ZNF749: variants seen among roughly 807,000 people sequenced by gnomAD.
The protein encoded by ZNF749 is zinc finger protein 749.
A neutral mutation model predicts 7.3 loss-of-function variants in ZNF749; 8 were observed. The observed-to-expected ratio is 1.10, with a 90% CI of 0.64 to 1.98. The LOEUF is 1.98. Ranked by LOEUF, ZNF749 falls within the 30% of genes most tolerant of loss-of-function variation. The probability of loss-of-function intolerance (pLI) is 0.00; values close to 1 mark genes in which losing one functional copy is unlikely to be tolerated. For missense variants in ZNF749, 898 were observed against 932.4 expected, an observed-to-expected ratio of 0.96 and a Z score of 0.48; for synonymous variants, 310 against 322.4, an observed-to-expected ratio of 0.96 and a Z score of 0.41.
the ZNF749 span, among the ~76,000 whole-genome samples, chr19:57,429,258 T>TGCCTCGGCCTCCCAAAA: frequency 6.6e-6 from 1 of 152,148 alleles, no homozygotes; most frequent in Non-Finnish European, 1.5e-5. This position sits in a 1 kb window ranked among gnomAD's most constrained non-coding sequence, Gnocchi z 4.2. Flanking sequence ...ACTCCTGACC[T>TGCCTCGGCCTCCCAAAA]CAGGTGATCT....
chr19:57,435,620 G>C, intron 1 of ZNF749, 27 bp downstream of exon 1: 1 of 1,598,680 alleles, frequency 6.3e-7, no homozygotes, highest in African/African-American at 1.3e-5. Context: ...AGGCCGCCCC[G>C]CCCAACCCCT....
intron 1 of ZNF749, among the ~76,000 whole-genome samples, chr19:57,441,150 G>A (rs1315696987): frequency 6.8e-6 from 1 of 147,168 alleles, no homozygotes; most frequent in East Asian, 2.0e-4. Flanking sequence ...AGGGTAGGGC[G>A]CCCTGGGCTA....
chr19:57,445,244 G>T lies in ZNF749; in HGVS notation c.2096G>T (p.Ser699Ile). Residue 699 changes from serine to isoleucine, a missense_variant, in exon 3 of 3, where the codon AGT becomes ATT. Physicochemically the swap from Ser to Ile is moderately radical, Grantham distance 142. Transcript: ENST00000334181. The stretch of plus-strand genomic sequence containing the variant: ...ACTGGGGAGAAGCCTCATGAGTGCA[G>T]TAAATGTAGGGAATTGTTTAGGACT... ...VCTGEKPHEC[S>I]KCRELFRTKS... 6.2e-7 allele frequency: 1 copy of T among 1,614,022 alleles called. No individual in the cohort carries two copies. Among genetic ancestry groups the T allele is most frequent in the Non-Finnish European group, 8.5e-7 (1 of 1,179,900 alleles).
chr19:57,445,560 T>C lies in ZNF749; in HGVS notation c.*75T>C. 6.6e-7 allele frequency: 1 copy of C among 1,519,624 alleles called. No homozygotes were observed. The highest frequency in any genetic ancestry group is 1.4e-5 in the South Asian group (1 of 73,342). 94.1% of individuals were successfully genotyped at this position (1,519,624 alleles called of 1,614,324 possible). A position where few individuals can be genotyped will look rare whatever the true frequency, so the allele number is the denominator to read the frequency against. The stretch of plus-strand genomic sequence containing the variant: ...AAAGGTTCACATCGGACCAAGAACC[T>C]ATTAATATATGTAAATCTAATGTTG... On this transcript the variant is annotated 3_prime_UTR_variant, in exon 3 of 3. Transcript: ENST00000334181.
At chr19:57,432,651 T>C (rs2088905356), upstream of ZNF749, among the ~76,000 whole-genome samples, 1 of 150,538 alleles carries the variant, frequency 6.6e-6, no homozygotes, top group African/African-American at 2.4e-5. Context: ...GTGTTCAAAC[T>C]TGTTGCTAAC....
chr19:57,439,586 C>G lies in ZNF749; in HGVS notation c.16-2299C>G, dbSNP rs1243688340. 6.6e-6 allele frequency among the ~76,000 whole-genome samples: 1 copy of G among 151,680 alleles called. No individual in the cohort carries two copies. Among genetic ancestry groups the G allele is most frequent in the Non-Finnish European group, 1.5e-5 (1 of 67,890 alleles). On this transcript the variant is annotated intron_variant, in intron 1 of 2. Transcript: ENST00000334181. This position sits in a 1 kb window ranked among gnomAD's most constrained non-coding sequence, Gnocchi z 4.3. ...CCAGCCTGGGCAACATAGGGAGACT[C>G]TGTCCCTACAAATAATAATAAATAG...
chr19:57,437,182 A>C (rs1349529869), intron 1 of ZNF749, among the ~76,000 whole-genome samples: 1 of 152,192 alleles, frequency 6.6e-6, no homozygotes, highest in Admixed American at 6.5e-5. Context: ...GCATAGGTTC[A>C]GGGATGTGAC....
intron 1 of ZNF749, among the ~76,000 whole-genome samples, chr19:57,437,399 AG>A (rs972253166): frequency 5.3e-5 from 8 of 152,176 alleles, no homozygotes; most frequent in African/African-American, 1.9e-4. Context: ...TATAGTACAA[AG>A]CTTTATATAT....
chr19:57,438,842 T>A (rs949141212), intron 1 of ZNF749, among the ~76,000 whole-genome samples: 1 of 152,148 alleles, frequency 6.6e-6, no homozygotes, highest in Non-Finnish European at 1.5e-5. Context: ...CGACAACTGA[T>A]GGGATAAGAT....
intron 1 of ZNF749, 147 bp from the exon 2 acceptor site, chr19:57,441,738 A>G (rs2088991789): frequency 2.2e-6 from 2 of 903,272 alleles, no homozygotes; most frequent in South Asian, 3.0e-5. Context: ...GTGGTTCAGC[A>G]TATGGGATCT....
At chr19:57,441,845 A>G in intron 1 of ZNF749, 40 bp from the exon 2 acceptor site, 2 of 1,612,278 alleles carry the variant, frequency 1.2e-6, no homozygotes, top group Non-Finnish European at 1.7e-6. Context: ...AACACAGAAT[A>G]AGAAGTTGTT....
chr19:57,433,491 C>G (rs1392387455), upstream of ZNF749, among the ~76,000 whole-genome samples: 3 of 152,126 alleles, frequency 2.0e-5, no homozygotes, highest in East Asian at 3.8e-4. Context: ...AAGGAACTAT[C>G]CACGTTAGTG....
In ZNF749 at chr19:57,446,775, G is replaced by C. The variant is rs905207769; in HGVS notation, c.*1290G>C. Among the ~76,000 whole-genome samples the C allele has an allele frequency of 6.6e-6, 1 of 152,150 alleles. No homozygotes were observed. Among genetic ancestry groups the C allele is most frequent in the Non-Finnish European group, 1.5e-5 (1 of 68,020 alleles). On this transcript the variant is annotated 3_prime_UTR_variant, in exon 3 of 3. Transcript: ENST00000334181. ...CCTAGGCTATATGATATGGTCCATTGCGCCTCAGATATAAACCTTAACAGC... is the reference window on the plus strand; with the variant it reads ...CCTAGGCTATATGATATGGTCCATTCCGCCTCAGATATAAACCTTAACAGC...
At chr19:57,435,011 G>T (rs1184197648), upstream of ZNF749, among the ~76,000 whole-genome samples, 1 of 152,160 alleles carries the variant, frequency 6.6e-6, no homozygotes, top group African/African-American at 2.4e-5. Flanking sequence ...GTCCTAGACT[G>T]CTCTCCGGGA....
In ZNF749 at chr19:57,439,079, A is replaced by G. The variant is rs894290521; in HGVS notation, c.16-2806A>G. Among the ~76,000 whole-genome samples, 3 of 151,868 alleles carry G rather than the reference A, an allele frequency of 2.0e-5. No individual in the cohort carries two copies. The highest frequency in any genetic ancestry group is 2.0e-4 in the Admixed American group (3 of 15,240). ...GATGGTAACTAGGGAAGGTTTGAGG[A>G]GGGGGGAAAAAGAGGTGACCTGACC... On this transcript the variant is annotated intron_variant, in intron 1 of 2. Coordinates refer to ENST00000334181, the MANE Select transcript of ZNF749 (RefSeq NM_001023561.4). The surrounding 1 kb of genome is among the most constrained non-coding windows in gnomAD (Gnocchi z 4.3).
rs2089004731 is a variant in ZNF749 at position 57,442,702 on chromosome 19, G to A, written c.143-589G>A. 6.6e-6 allele frequency among the ~76,000 whole-genome samples: 1 copy of A among 152,132 alleles called. No individual in the cohort carries two copies. The highest frequency in any genetic ancestry group is 1.5e-5 in the Non-Finnish European group (1 of 68,008). Reference sequence around the variant, plus strand: ...TGGGAAAGGATGTGATATCAAGGCTGGGTTCAAATCACATTGAGAACTTAC... The same window carrying A: ...TGGGAAAGGATGTGATATCAAGGCTAGGTTCAAATCACATTGAGAACTTAC... On this transcript the variant is annotated intron_variant, in intron 2 of 2. Transcript: ENST00000334181. The surrounding 1 kb of genome is among the most constrained non-coding windows in gnomAD (Gnocchi z 6.6).
upstream of ZNF749, among the ~76,000 whole-genome samples, chr19:57,433,111 AGTGTGTGTGTGTGTGTGTGTGTGTGT>A (rs71186260): frequency 4.2e-5 from 6 of 143,412 alleles, no homozygotes; most frequent in Non-Finnish European, 7.6e-5. Flanking sequence ...AGTCTTGAGG[AGTGTGTGTGTGTGTGTGTGTGTGTGT>A]GTGTGTGTGT....
Position 57,446,639 on chromosome 19 carries a change from GT to G in ZNF749, c.*1155del, listed in dbSNP as rs1435394607. ...CCGAATAAAATCCCATTGTAGTCAT[GT>G]GTCGCCTAACAAGAGGACTGTGTTC... is the stretch of plus-strand genomic sequence containing the variant. On this transcript the variant is annotated 3_prime_UTR_variant, in exon 3 of 3. Transcript: ENST00000334181. Among the ~76,000 whole-genome samples the G allele has an allele frequency of 6.6e-6, 1 of 152,088 alleles. No homozygotes were observed. Among genetic ancestry groups the G allele is most frequent in the Non-Finnish European group, 1.5e-5 (1 of 68,026 alleles).
In ZNF749 at chr19:57,444,946, GTTA is replaced by G; in HGVS notation, c.1801_1803del (p.Ile601del). 6.2e-7 allele frequency: 1 copy of G among 1,613,548 alleles called. No homozygotes were observed. Among genetic ancestry groups the G allele is most frequent in the Non-Finnish European group, 8.5e-7 (1 of 1,179,880 alleles). On this transcript the variant is annotated inframe_deletion, in exon 3 of 3. Coordinates refer to ENST00000334181, the MANE Select transcript of ZNF749 (RefSeq NM_001023561.4). ...ATTCTTTTTGGACAGCTACAAACTT[GTTA>G]TTCATCAGAGAATTCACACTGGAGA...
Sources: allele counts gnomAD v4.1 joint callset (sites outside exome capture counted in the v4.1 genomes callset), GRCh38; gene constraint gnomAD v4.1.1; non-coding constraint Gnocchi (gnomAD v3.1); transcripts MANE v1.5; gene names NCBI Gene and HGNC (gene_info 2026-07-23, HGNC 2026-07-21).